TNPO1: variants seen among roughly 807,000 people sequenced by gnomAD.
TNPO1 encodes the protein transportin-1.
In TNPO1, 8 loss-of-function variants were observed where a neutral mutation model predicts 119.5. That is an observed-to-expected ratio of 0.07 (90% CI 0.04 to 0.12). TNPO1 has a LOEUF of 0.12. TNPO1 is among the 10% of genes least tolerant of loss of function. TNPO1 has a pLI of 1.00. For synonymous variants in TNPO1, 362 were observed against 363.0 expected (o/e 1.00, Z 0.03); for missense variants, 576 against 1,089.8 (o/e 0.53, Z 6.64).
intron 23 of TNPO1, 116 bp downstream of exon 23, chr5:72,903,899 G>A (rs1384520862): frequency 6.1e-6 from 4 of 657,394 alleles, no homozygotes; most frequent in Admixed American, 2.9e-5. Flanking sequence ...AGTATTGATA[G>A]TTTACATATA....
intron 6 of TNPO1, among the ~76,000 whole-genome samples, chr5:72,866,205 C>T (rs1021766811): frequency 1.2e-4 from 18 of 152,170 alleles, no homozygotes; most frequent in African/African-American, 4.3e-4. Flanking sequence ...CTCCCTCCCT[C>T]TTCTTATATT....
intron 24 of TNPO1, among the ~76,000 whole-genome samples, chr5:72,907,512 G>A (rs1338875401): frequency 1.3e-5 from 2 of 152,064 alleles, no homozygotes; most frequent in African/African-American, 2.4e-5. Context: ...TCACATGAAC[G>A]TTCATAAATG....
In TNPO1 at chr5:72,910,174, C is replaced by T. The variant is rs1750463865; in HGVS notation, c.*1501C>T. 1 of 152,466 alleles carries T rather than the reference C, an allele frequency of 6.6e-6. No individual in the cohort carries two copies. The highest frequency in any genetic ancestry group is 2.1e-4 in the South Asian group (1 of 4,816). 9.4% of individuals were successfully genotyped at this position (152,466 alleles called of 1,614,324 possible). A position where few individuals can be genotyped will look rare whatever the true frequency, so the allele number is the denominator to read the frequency against. On this transcript the variant is annotated 3_prime_UTR_variant, in exon 25 of 25. Coordinates refer to ENST00000337273, the MANE Select transcript of TNPO1 (RefSeq NM_002270.4). ...CTGTATTTTGGCGCATGTTGGTGGC[C>T]CTCTGTGCCCTAGATATATGCACAC...
intron 24 of TNPO1, among the ~76,000 whole-genome samples, chr5:72,907,890 T>C (rs900655767): frequency 6.6e-6 from 1 of 151,392 alleles, no homozygotes; most frequent in East Asian, 1.9e-4. Context: ...ATGAAAAAAA[T>C]TAAAAAGAAA....
At chr5:72,892,330 C>T (rs149524436) in intron 15 of TNPO1, among the ~76,000 whole-genome samples, 9 of 151,714 alleles carry the variant, frequency 5.9e-5, no homozygotes, top group Non-Finnish European at 7.4e-5. Context: ...ATGATGTTCT[C>T]GTAACTGAAC....
At position 72,913,323 on chromosome 5, in the gene TNPO1, T is replaced by A. The variant is rs1188874592; in HGVS notation, c.*4650T>A. 6.6e-6 allele frequency: 1 copy of A among 152,480 alleles called. No individual in the cohort carries two copies. The highest frequency in any genetic ancestry group is 1.9e-4 in the East Asian group (1 of 5,204). The allele number at this position is 152,480 out of a possible 1,614,324, so 9.4% of individuals were successfully genotyped here. ...CAATCTTACATAGATCTTTCACCCA[T>A]TAGCATTACTTACGTAGATAATTCT... is the stretch of plus-strand genomic sequence containing the variant. On this transcript the variant is annotated 3_prime_UTR_variant, in exon 25 of 25. Coordinates refer to ENST00000337273, the MANE Select transcript of TNPO1 (RefSeq NM_002270.4).
intron 20 of TNPO1, 149 bp downstream of exon 20, chr5:72,897,300 C>T: frequency 1.7e-6 from 1 of 585,702 alleles, no homozygotes; most frequent in Non-Finnish European, 3.0e-6. Context: ...ATGAAATAGA[C>T]TGTTGCAGCT....
At chr5:72,836,382 C>A (rs1003132933) in intron 1 of TNPO1, among the ~76,000 whole-genome samples, 2 of 152,204 alleles carry the variant, frequency 1.3e-5, no homozygotes, top group Non-Finnish European at 2.9e-5. Context: ...TAGACACCAC[C>A]AAGGTTTACC....
intron 18 of TNPO1, among the ~76,000 whole-genome samples, chr5:72,894,454 G>A (rs774931533): frequency 6.6e-6 from 1 of 152,200 alleles, no homozygotes. Context: ...GGCAGGTCAC[G>A]AAGTCAGGAG....
chr5:72,866,488 T>G (rs1460271959), intron 6 of TNPO1, among the ~76,000 whole-genome samples: 1 of 152,184 alleles, frequency 6.6e-6, no homozygotes, highest in Non-Finnish European at 1.5e-5. Flanking sequence ...GCCTGGTGGC[T>G]CATACCTGTA....
chr5:72,841,277 C>T (rs1356127150), intron 1 of TNPO1, among the ~76,000 whole-genome samples: 1 of 152,102 alleles, frequency 6.6e-6, no homozygotes, highest in Admixed American at 6.5e-5. Flanking sequence ...GCTACCACAC[C>T]CAGCTAATGT....
Position 72,861,801 on chromosome 5 carries a change from G to T in TNPO1, c.356-7G>T, listed in dbSNP as rs749000344. On this transcript the variant is annotated splice_polypyrimidine_tract_variant and splice_region_variant and intron_variant, in intron 4 of 24. Coordinates refer to ENST00000337273, the MANE Select transcript of TNPO1 (RefSeq NM_002270.4). Reference sequence around the variant, plus strand: ...GGATTTCCTAAAGAAGTGTGTTTTTGTTCAAGGTATTTTGATCACAACTAT... The same window carrying T: ...GGATTTCCTAAAGAAGTGTGTTTTTTTTCAAGGTATTTTGATCACAACTAT... 1.7e-5 allele frequency: 27 copies of T among 1,603,378 alleles called. No individual in the cohort carries two copies. The highest frequency in any genetic ancestry group is 4.0e-5 in the African/African-American group (3 of 74,654).
intron 4 of TNPO1, among the ~76,000 whole-genome samples, chr5:72,856,694 T>G (rs1311281600): frequency 6.6e-6 from 1 of 152,254 alleles, no homozygotes; most frequent in African/African-American, 2.4e-5. Context: ...TGTCAGTAAT[T>G]CAGCAGCAAC....
intron 24 of TNPO1, among the ~76,000 whole-genome samples, chr5:72,906,763 T>C (rs1442103708): frequency 6.6e-6 from 1 of 152,216 alleles, no homozygotes; most frequent in Admixed American, 6.5e-5. Flanking sequence ...AATACTATAC[T>C]GTATGTGATG....
intron 11 of TNPO1, among the ~76,000 whole-genome samples, chr5:72,886,420 G>C (rs568108006): frequency 6.6e-6 from 1 of 152,126 alleles, no homozygotes; most frequent in Admixed American, 6.5e-5. Context: ...AACAGTGATT[G>C]TAATCATGAT....
rs766283408 is a variant in TNPO1 at position 72,865,610 on chromosome 5, C to T, written c.477C>T (p.Ala159=). 1.6e-5 allele frequency: 25 copies of T among 1,611,790 alleles called. No homozygotes were observed. The highest frequency in any genetic ancestry group is 6.7e-5 in the Admixed American group (4 of 59,888). Residue 159 remains alanine, a synonymous_variant, in exon 6 of 25, where the codon GCC becomes GCT. Coordinates refer to ENST00000337273, the MANE Select transcript of TNPO1 (RefSeq NM_002270.4). ...DYNTCEGAFG[A]LQKICEDSAE... ...GTCTCTTACAGGGAGCATTTGGTGCCCTTCAGAAGATTTGTGAAGATTCTG... is the reference window on the plus strand; with the variant it reads ...GTCTCTTACAGGGAGCATTTGGTGCTCTTCAGAAGATTTGTGAAGATTCTG...
chr5:72,848,114 T>G (rs572352432), intron 1 of TNPO1: 4 of 1,139,740 alleles, frequency 3.5e-6, no homozygotes, highest in South Asian at 2.9e-5. Context: ...GATTGCAAAT[T>G]CGCGGTGACT....
chr5:72,867,813 G>A (rs1168170604), intron 6 of TNPO1, among the ~76,000 whole-genome samples: 1 of 152,184 alleles, frequency 6.6e-6, no homozygotes, highest in African/African-American at 2.4e-5. Flanking sequence ...GCATTCATCT[G>A]TACTGAATCA....
chr5:72,893,744 G>A (rs746107337), intron 18 of TNPO1, 41 bp downstream of exon 18: 2 of 1,550,336 alleles, frequency 1.3e-6, no homozygotes, highest in Admixed American at 1.7e-5. Context: ...GTTTTTTAAA[G>A]TTAACATTTA....
Sources: allele counts gnomAD v4.1 joint callset (sites outside exome capture counted in the v4.1 genomes callset), GRCh38; gene constraint gnomAD v4.1.1; transcripts MANE v1.5; gene names NCBI Gene and HGNC (gene_info 2026-07-23, HGNC 2026-07-21).